PTPRD: variants seen among roughly 807,000 people sequenced by gnomAD.
PTPRD encodes protein tyrosine phosphatase receptor type D, also known as receptor-type tyrosine-protein phosphatase delta.
Under a neutral mutation model 214.5 loss-of-function variants are expected in PTPRD, and 34 were observed. The ratio of observed to expected loss-of-function variants is 0.16; its 90% CI spans 0.12 to 0.21. PTPRD has a LOEUF of 0.21. Ranked by LOEUF, PTPRD falls within the 10% of genes least tolerant of loss-of-function variation. The pLI, the probability that PTPRD is intolerant of heterozygous loss-of-function variation, is 1.00. For missense variants in PTPRD, 2,545 were observed against 2,398.7 expected (o/e 1.06, Z -1.27); for synonymous variants, 1,128 against 845.7 (o/e 1.33, Z -5.79).
intron 5 of PTPRD, among the ~76,000 whole-genome samples, chr9:9,833,677 C>CCG (rs2055737365): frequency 9.2e-6 from 1 of 109,262 alleles, no homozygotes; most frequent in African/African-American, 4.8e-5. Context: ...CAGGTACGCT[C>CCG]CGGAGAGGGG....
Position 9,932,936 on chromosome 9 carries a change from G to T in PTPRD, c.-368+5571C>A, listed in dbSNP as rs568625674. 6.3e-4 allele frequency among the ~76,000 whole-genome samples: 92 copies of T among 145,982 alleles called. 3 individuals carry two copies. The highest frequency in any genetic ancestry group is 2.3e-3 in the African/African-American group (91 of 40,310). On this transcript the variant is annotated intron_variant, in intron 5 of 45. Coordinates refer to ENST00000381196, the MANE Select transcript of PTPRD (RefSeq NM_002839.4). The stretch of plus-strand genomic sequence containing the variant: ...GGGGCCAATATTCAACATTCTTAAA[G>T]AAAAGAATTTTCAACCCAGAATTTC...
At chr9:9,212,262 CT>C (rs2099949250) in intron 9 of PTPRD, among the ~76,000 whole-genome samples, 1 of 152,068 alleles carries the variant, frequency 6.6e-6, no homozygotes, top group Admixed American at 6.6e-5. Context: ...TGACAACAGC[CT>C]TAAATTATTG....
chr9:9,157,973 C>T (rs113852110), intron 10 of PTPRD, among the ~76,000 whole-genome samples: 152 of 152,186 alleles, frequency 1.0e-3, no homozygotes, highest in Admixed American at 1.9e-3. Context: ...ATGTAGTGTT[C>T]GGTTTTCTGT....
intron 2 of PTPRD, among the ~76,000 whole-genome samples, chr9:10,541,221 G>T (rs2059030794): frequency 6.6e-6 from 1 of 152,044 alleles, no homozygotes; most frequent in Non-Finnish European, 1.5e-5. Flanking sequence ...AAGAAAAGAA[G>T]GATTGTAACA....
intron 4 of PTPRD, among the ~76,000 whole-genome samples, chr9:9,942,837 T>A (rs1247157624): frequency 6.6e-6 from 1 of 152,088 alleles, no homozygotes; most frequent in Admixed American, 6.6e-5. Flanking sequence ...TATCATCCTA[T>A]ACATTTTCAA....
chr9:10,029,464 C>T (rs2097007558), intron 4 of PTPRD, among the ~76,000 whole-genome samples: 1 of 152,156 alleles, frequency 6.6e-6, no homozygotes, highest in African/African-American at 2.4e-5. Context: ...TGCAAAGCCA[C>T]AGGGGCAGCC....
At chr9:10,001,104 C>T (rs114798238) in intron 4 of PTPRD, among the ~76,000 whole-genome samples, 1 of 152,116 alleles carries the variant, frequency 6.6e-6, no homozygotes, top group Admixed American at 6.5e-5. Flanking sequence ...CTATTAAATT[C>T]TCCACTCCTT....
At chr9:9,928,181 G>T (rs1460705470) in intron 5 of PTPRD, among the ~76,000 whole-genome samples, 1 of 152,066 alleles carries the variant, frequency 6.6e-6, no homozygotes, top group Non-Finnish European at 1.5e-5. Flanking sequence ...TTTTGTTGCT[G>T]CATGATGTTA....
intron 4 of PTPRD, among the ~76,000 whole-genome samples, chr9:10,026,831 C>G (rs1331147287): frequency 6.8e-6 from 1 of 147,432 alleles, no homozygotes; most frequent in Non-Finnish European, 1.5e-5. Context: ...TGCGGTCTCA[C>G]AAGCAAGTAA....
At chr9:8,669,176 T>C (rs778413562) in intron 12 of PTPRD, among the ~76,000 whole-genome samples, 23 of 152,084 alleles carry the variant, frequency 1.5e-4, no homozygotes, top group Non-Finnish European at 2.8e-4. Context: ...TATTCCTTGG[T>C]TGGATGCACA....
intron 3 of PTPRD, among the ~76,000 whole-genome samples, chr9:10,047,835 A>T (rs980929719): frequency 6.6e-6 from 1 of 152,118 alleles, no homozygotes; most frequent in African/African-American, 2.4e-5. Flanking sequence ...TAACTTCTCA[A>T]AATTGGTGCA....
intron 11 of PTPRD, among the ~76,000 whole-genome samples, chr9:8,764,652 G>A (rs1057206485): frequency 6.6e-6 from 1 of 151,840 alleles, no homozygotes; most frequent in Non-Finnish European, 1.5e-5. Flanking sequence ...AAAATTAACC[G>A]GGTATAGTGG....
At chr9:9,612,126 G>T (rs1399052236) in intron 7 of PTPRD, among the ~76,000 whole-genome samples, 1 of 151,880 alleles carries the variant, frequency 6.6e-6, no homozygotes, top group African/African-American at 2.4e-5. Context: ...ATAGAAAATT[G>T]TGTAATAAAA....
At chr9:9,625,216 G>C (rs1038253048) in intron 7 of PTPRD, among the ~76,000 whole-genome samples, 17 of 152,176 alleles carry the variant, frequency 1.1e-4, no homozygotes, top group African/African-American at 3.9e-4. Flanking sequence ...TCACAGTGGG[G>C]ATATGGACAG....
intron 27 of PTPRD, among the ~76,000 whole-genome samples, chr9:8,488,544 T>A (rs980144927): frequency 1.3e-5 from 2 of 152,210 alleles, no homozygotes; most frequent in Non-Finnish European, 2.9e-5. Flanking sequence ...CTCATTGTGT[T>A]CCTCAGGAAA....
chr9:8,319,798 T>C (rs762916110), intron 45 of PTPRD, 33 bp downstream of exon 45: 13 of 1,611,482 alleles, frequency 8.1e-6, no homozygotes, highest in Middle Eastern at 3.3e-4. Flanking sequence ...ACGTAGGCTC[T>C]TGAGATGCGA....
In PTPRD at chr9:10,579,854, GACA is replaced by G. The variant is rs1235926571; in HGVS notation, c.-600+32541_-600+32543del. Among the ~76,000 whole-genome samples the G allele has an allele frequency of 2.6e-5, 4 of 152,034 alleles. No homozygotes were observed. The East Asian group carries it at 7.7e-4, about 29-fold the overall frequency. ...TTTGATTTGAATTTTTCTGGTGATTGACAACATTAAGCATTTTTTCACGTGTTT... is the reference window on the plus strand; with the variant it reads ...TTTGATTTGAATTTTTCTGGTGATTGACATTAAGCATTTTTTCACGTGTTT... On this transcript the variant is annotated intron_variant, in intron 2 of 45. Coordinates refer to ENST00000381196, the MANE Select transcript of PTPRD (RefSeq NM_002839.4).
intron 14 of PTPRD, among the ~76,000 whole-genome samples, chr9:8,559,744 T>A (rs1055004293): frequency 6.6e-6 from 1 of 152,216 alleles, no homozygotes; most frequent in Non-Finnish European, 1.5e-5. Context: ...CTGTGTTGAT[T>A]GCTTGAGCCC....
chr9:10,389,631 T>C (rs1278833689), intron 2 of PTPRD, among the ~76,000 whole-genome samples: 1 of 151,862 alleles, frequency 6.6e-6, no homozygotes, highest in Non-Finnish European at 1.5e-5. Flanking sequence ...TAAATCCATA[T>C]TCAGATGGTT....
Sources: allele counts gnomAD v4.1 joint callset (sites outside exome capture counted in the v4.1 genomes callset), GRCh38; gene constraint gnomAD v4.1.1; transcripts MANE v1.5; gene names NCBI Gene and HGNC (gene_info 2026-07-23, HGNC 2026-07-21).